Variants in RUSF1 observed in about 807,000 individuals in gnomAD.
RUSF1 encodes RUS1 family protein C16orf58.
Under a neutral mutation model 63.0 loss-of-function variants are expected in RUSF1, and 58 were observed. The observed-to-expected ratio is 0.92, with a 90% confidence interval of 0.75 to 1.15. The LOEUF is 1.15. RUSF1 is among the 50% of genes most tolerant of loss of function. RUSF1 has a pLI of 0.00. For synonymous variants in RUSF1, 274 were observed against 255.8 expected, an observed-to-expected ratio of 1.07 and a Z score of -0.68; for missense variants, 652 against 611.0, an observed-to-expected ratio of 1.07 and a Z score of -0.71.
rs940701444 is a variant in RUSF1 at position 31,489,770 on chromosome 16, G to A, written c.*1065C>T. 4 of 449,052 alleles carry A rather than the reference G, an allele frequency of 8.9e-6. No individual in the cohort carries two copies. The highest frequency in any genetic ancestry group is 6.6e-4 in the Middle Eastern group (1 of 1,516). The allele number at this position is 449,052 out of a possible 1,614,324, so 27.8% of individuals were successfully genotyped here. On this transcript the variant is annotated 3_prime_UTR_variant, in exon 13 of 13. Transcript: ENST00000327237. ...TGGCCGGGTTTCTGCAGCAGCAGGA[G>A]GAAAGGGTGGGAGCACACAGGCACA... is the stretch of plus-strand genomic sequence containing the variant.
At position 31,494,258 on chromosome 16, in the gene RUSF1, C is replaced by A. The variant is rs149985927; in HGVS notation, c.703-322G>T. 5.6e-3 allele frequency among the ~76,000 whole-genome samples: 854 copies of A among 152,128 alleles called. 6 individuals are homozygous for A. The highest frequency in any genetic ancestry group is 0.02 in the African/African-American group (816 of 41,490). Reference sequence around the variant, plus strand: ...AAATTTGGTGGGGCATAGTGGCTCGCGCCTGTAATCCTAGCAATCTGGGAG... The same window carrying A: ...AAATTTGGTGGGGCATAGTGGCTCGAGCCTGTAATCCTAGCAATCTGGGAG... On this transcript the variant is annotated intron_variant, in intron 6 of 12. Transcript: ENST00000327237.
At chr16:31,493,303 C>T (rs2082583656) in intron 9 of RUSF1, 164 bp downstream of exon 9, 2 of 997,674 alleles carry the variant, frequency 2.0e-6, no homozygotes, top group Non-Finnish European at 3.1e-6. Context: ...TCATGTTATA[C>T]ACCCTTTCCT....
rs746154411 is a variant in RUSF1, at chr16:31,490,898, G to T, written c.1344C>A (p.His448Gln). 1.9e-6 allele frequency: 3 copies of T among 1,614,122 alleles called. No individual in the cohort carries two copies. Among genetic ancestry groups the T allele is most frequent in the Non-Finnish European group, 1.7e-6 (2 of 1,180,030 alleles). Residue 448 changes from histidine to glutamine, a missense_variant, in exon 13 of 13, where the codon CAC becomes CAA. Transcript: ENST00000327237. ...LQDAGWKTEK[H>Q]QLEVDEWRAT... is the part of the protein sequence containing the mutation. ...CCCTCCACTCATCCACCTCTAGCTG[G>T]TGCTTCTCGGTCTTCCAGCCGGCAT... is the stretch of plus-strand genomic sequence containing the variant.
At position 31,508,195 on chromosome 16, in the gene RUSF1, A is replaced by G; in HGVS notation, c.179T>C (p.Val60Ala). 6.4e-7 allele frequency: 1 copy of G among 1,566,574 alleles called. No homozygotes were observed. The highest frequency in any genetic ancestry group is 8.6e-7 in the Non-Finnish European group (1 of 1,156,432). The change falls in exon 1 of 13, where the codon GTG becomes GCG. Residue 60 changes from valine to alanine, a missense_variant. By Grantham distance (64) the Val-to-Ala change is moderately conservative (BLOSUM62 0). Coordinates refer to ENST00000327237, the MANE Select transcript of RUSF1 (RefSeq NM_022744.4). ...CGGTGAGGGGGCCCCGGAAGCCCCC[A>G]CTTCGCCCGCATCTCGTCCTTCAGG... The part of the protein sequence containing the change: ...VKPEGRDAGE[V>A]GASGAPSPPL...
intron 9 of RUSF1, 131 bp downstream of exon 9, chr16:31,493,336 C>A (rs1387994389): frequency 1.6e-6 from 2 of 1,238,656 alleles, no homozygotes; most frequent in Non-Finnish European, 1.2e-6. Context: ...CACACCAACC[C>A]CATGTCTGTT....
chr16:31,506,811 G>A (rs1349217042), intron 2 of RUSF1, among the ~76,000 whole-genome samples: 13 of 152,144 alleles, frequency 8.5e-5, no homozygotes, highest in African/African-American at 3.1e-4. Flanking sequence ...AATAGAGATG[G>A]GGGTCTCCCT....
At position 31,490,578 on chromosome 16, in the gene RUSF1, G is replaced by T. The variant is rs778150076; in HGVS notation, c.*257C>A. On this transcript the variant is annotated 3_prime_UTR_variant, in exon 13 of 13. Transcript: ENST00000327237. ...ACCATAAGCCACAGCCTCACAGGAAGTGGGGGTGAGGAGCCTGCGGTGCTC... is the reference window on the plus strand; with the variant it reads ...ACCATAAGCCACAGCCTCACAGGAATTGGGGGTGAGGAGCCTGCGGTGCTC... 3 of 1,514,746 alleles carry T rather than the reference G, an allele frequency of 2.0e-6. No individual in the cohort carries two copies. The South Asian group carries it at 3.5e-5, about 18-fold the overall frequency. The allele number at this position is 1,514,746 out of a possible 1,614,324, so 93.8% of individuals were successfully genotyped here.
At chr16:31,496,472 G>A (rs774982203) in intron 6 of RUSF1, among the ~76,000 whole-genome samples, 9 of 152,194 alleles carry the variant, frequency 5.9e-5, no homozygotes, top group Admixed American at 4.6e-4. Context: ...AGGGGGCTGG[G>A]CCAGCAGGCC....
At chr16:31,507,473 C>G (rs1477849048) in intron 2 of RUSF1, among the ~76,000 whole-genome samples, 1 of 152,160 alleles carries the variant, frequency 6.6e-6, no homozygotes, top group Non-Finnish European at 1.5e-5. Flanking sequence ...CTTATGCAAT[C>G]TTCCACAAAG....
At chr16:31,500,759 G>A (rs781646810) in intron 2 of RUSF1, 28 bp from the exon 3 acceptor site, 34 of 1,608,060 alleles carry the variant, frequency 2.1e-5, no homozygotes, top group Admixed American at 5.0e-5. Flanking sequence ...CAGGTAAGGA[G>A]CAAGGAAGAG....
At chr16:31,500,819 C>T in intron 2 of RUSF1, 88 bp from the exon 3 acceptor site, 2 of 1,357,492 alleles carry the variant, frequency 1.5e-6, no homozygotes, top group Non-Finnish European at 1.0e-6. Flanking sequence ...CTGGCCAATT[C>T]ACTGAGTCAC....
Position 31,496,781 on chromosome 16 carries a change from G to C in RUSF1, c.702+68C>G, listed in dbSNP as rs1298911043. On this transcript the variant is annotated intron_variant, in intron 6 of 12. Transcript: ENST00000327237. ...TCCTGTGTGTTCCTGGGCCCTCCAGGGCACTCAAGTGGCTTCTCTCCCCTT... is the reference window on the plus strand; with the variant it reads ...TCCTGTGTGTTCCTGGGCCCTCCAGCGCACTCAAGTGGCTTCTCTCCCCTT... 1.3e-5 allele frequency: 18 copies of C among 1,339,126 alleles called. No homozygotes were observed. In the South Asian group the frequency reaches 2.6e-4, roughly 19 times the overall value. 83.0% of individuals were successfully genotyped at this position (1,339,126 alleles called of 1,614,324 possible).
intron 12 of RUSF1, among the ~76,000 whole-genome samples, chr16:31,491,733 T>G (rs1261880034): frequency 6.7e-6 from 1 of 150,078 alleles, no homozygotes; most frequent in African/African-American, 2.5e-5. Flanking sequence ...CACCTCAGCC[T>G]CCTGAGTAGC....
rs1314295709 is a variant in RUSF1, at chr16:31,508,148, C to A, written c.226G>T (p.Val76Leu). Residue 76 changes from valine (V) to leucine (L), a missense_variant, in exon 1 of 13, where the codon GTG becomes TTG. Physicochemically the swap from Val to Leu is conservative, Grantham distance 32 (BLOSUM62 1). Coordinates refer to ENST00000327237, the MANE Select transcript of RUSF1 (RefSeq NM_022744.4). ...PSPPLSGLQA[V>L]FLPQGFPDSV... ...TCAGGGAAGCCCTGAGGCAGGAACACGGCCTGGAGCCCGGAGAGGGGCGGT... is the reference window on the plus strand; with the variant it reads ...TCAGGGAAGCCCTGAGGCAGGAACAAGGCCTGGAGCCCGGAGAGGGGCGGT... 2 of 1,592,168 alleles carry A rather than the reference C, an allele frequency of 1.3e-6. No homozygotes were observed. Among genetic ancestry groups the A allele is most frequent in the Non-Finnish European group, 1.7e-6 (2 of 1,170,344 alleles).
chr16:31,490,024 C>T lies in RUSF1; in HGVS notation c.*811G>A, dbSNP rs61661590. ...CAGAGGTGGGTAGGGCAGGCAGTGA[C>T]GAGCTGGTGTGCAAGAGACTTTAGG... is the stretch of plus-strand genomic sequence containing the variant. On this transcript the variant is annotated 3_prime_UTR_variant, in exon 13 of 13. Coordinates refer to ENST00000327237, the MANE Select transcript of RUSF1 (RefSeq NM_022744.4). The T allele has an allele frequency of 1.4e-4, 217 of 1,586,198 alleles. No homozygotes were observed. The African/African-American group carries it at 2.2e-3, about 16-fold the overall frequency.
rs1177341140 is a variant in RUSF1, at chr16:31,493,783, T to C, written c.778A>G (p.Ser260Gly). Residue 260 changes from serine to glycine, a missense_variant, in exon 8 of 13, where the codon AGC becomes GGC. Coordinates refer to ENST00000327237, the MANE Select transcript of RUSF1 (RefSeq NM_022744.4). ...GTGAGGAAGAAGAAACATCCAAGGC[T>C]GAAGCTGGGGTGAGAGAGTGAGGTA... is the stretch of plus-strand genomic sequence containing the variant. Reference protein sequence around the residue: ...LPLVSGCPGFSLGCFFFLTAL... With the variant: ...LPLVSGCPGFGLGCFFFLTAL... 1.2e-6 allele frequency: 2 copies of C among 1,614,116 alleles called. No individual in the cohort carries two copies. The highest frequency in any genetic ancestry group is 3.3e-5 in the Admixed American group (2 of 60,018).
intron 6 of RUSF1, 26 bp downstream of exon 6, chr16:31,496,823 G>T: frequency 6.5e-7 from 1 of 1,529,572 alleles, no homozygotes; most frequent in Non-Finnish European, 8.8e-7. Flanking sequence ...CCCACTCCAC[G>T]CCCTCCCTCC....
At chr16:31,494,388 G>A (rs2082591491) in intron 6 of RUSF1, among the ~76,000 whole-genome samples, 2 of 152,000 alleles carry the variant, frequency 1.3e-5, no homozygotes, top group African/African-American at 4.8e-5. Flanking sequence ...AGCCAGGTAT[G>A]GTGGCGCGTG....
At chr16:31,500,615 A>C in intron 3 of RUSF1, 71 bp downstream of exon 3, 1 of 1,532,166 alleles carries the variant, frequency 6.5e-7, no homozygotes, top group Non-Finnish European at 8.9e-7. Context: ...ATTAATGGCA[A>C]TACTATTACT....
Sources: allele counts gnomAD v4.1 joint callset (sites outside exome capture counted in the v4.1 genomes callset), GRCh38; gene constraint gnomAD v4.1.1; transcripts MANE v1.5; gene names NCBI Gene and HGNC (gene_info 2026-07-23, HGNC 2026-07-21).